The following ERC1 variants were observed in gnomAD, a reference collection of about 807,000 sequenced individuals.
The protein encoded by ERC1 is ELKS/RAB6-interacting/CAST family member 1.
A neutral mutation model predicts 132.0 loss-of-function variants in ERC1; 56 were observed. That is an observed-to-expected ratio of 0.42 (90% CI 0.34 to 0.53). ERC1 has a LOEUF of 0.53. Among genes scored for constraint, ERC1 ranks in the 20% least tolerant of loss-of-function variants. The probability of loss-of-function intolerance (pLI) is 0.03; values close to 1 mark genes in which losing one functional copy is unlikely to be tolerated. For missense variants in ERC1, 1,202 were observed against 1,349.9 expected (o/e 0.89, Z 1.72); for synonymous variants, 478 against 476.1 (o/e 1.00, Z -0.05).
At chr12:1,430,396 G>C (rs74637303) in intron 17 of ERC1, 1 of 149,326 alleles carries the variant, frequency 6.7e-6, no homozygotes, top group Non-Finnish European at 1.5e-5. Context: ...TTTTTTTTTG[G>C]CAGCAGAGTC....
At chr12:1,052,762 GAGTTCA>G (rs1972245980) in intron 2 of ERC1, among the ~76,000 whole-genome samples, 1 of 152,104 alleles carries the variant, frequency 6.6e-6, no homozygotes, top group African/African-American at 2.4e-5. Context: ...CTGAGGTCGG[GAGTTCA>G]AGATCAGCCT....
At chr12:1,109,967 G>A (rs1001370208) in intron 4 of ERC1, among the ~76,000 whole-genome samples, 1 of 152,236 alleles carries the variant, frequency 6.6e-6, no homozygotes, top group African/African-American at 2.4e-5. Flanking sequence ...AGAACTGCTT[G>A]AACCCAGAGG....
At chr12:1,433,648 A>G (rs1283345312) in intron 17 of ERC1, among the ~76,000 whole-genome samples, 1 of 152,220 alleles carries the variant, frequency 6.6e-6, no homozygotes, top group Non-Finnish European at 1.5e-5. Context: ...GACCAATGGC[A>G]TGAGATCTTA....
At chr12:1,238,680 T>G (rs1594449991) in intron 13 of ERC1, among the ~76,000 whole-genome samples, 1 of 152,186 alleles carries the variant, frequency 6.6e-6, no homozygotes, top group Non-Finnish European at 1.5e-5. Context: ...GTTAGCACTT[T>G]AACTGTTTCA....
chr12:1,468,357 C>G (rs1400821093), intron 18 of ERC1, among the ~76,000 whole-genome samples: 2 of 152,188 alleles, frequency 1.3e-5, no homozygotes, highest in African/African-American at 4.8e-5. Context: ...AATCCCAGCA[C>G]TTTGGGAGGC....
intron 15 of ERC1, among the ~76,000 whole-genome samples, chr12:1,362,380 C>T (rs1261696570): frequency 6.6e-6 from 1 of 152,200 alleles, no homozygotes; most frequent in Non-Finnish European, 1.5e-5. Flanking sequence ...CTCGCCAGCT[C>T]TGCCTTCTTA....
chr12:1,353,759 T>G (rs2085260355), intron 15 of ERC1, among the ~76,000 whole-genome samples: 1 of 152,218 alleles, frequency 6.6e-6, no homozygotes, highest in African/African-American at 2.4e-5. Context: ...ATGATCTCTT[T>G]CCACTTGTTT....
At chr12:1,265,607 T>G (rs777926471) in intron 14 of ERC1, among the ~76,000 whole-genome samples, 4 of 152,200 alleles carry the variant, frequency 2.6e-5, no homozygotes, top group Non-Finnish European at 5.9e-5. Context: ...GAGGGTTCAC[T>G]TTTCGTGACG....
At chr12:1,030,215 C>T (rs865953060) in intron 2 of ERC1, among the ~76,000 whole-genome samples, 29 of 152,100 alleles carry the variant, frequency 1.9e-4, no homozygotes, top group African/African-American at 6.5e-4. Context: ...TAATTAGCTA[C>T]CTCATTGTTG....
chr12:1,232,050 A>G (rs1399127417), intron 12 of ERC1, among the ~76,000 whole-genome samples: 3 of 151,866 alleles, frequency 2.0e-5, no homozygotes, highest in Non-Finnish European at 4.4e-5. Flanking sequence ...CAACTTTCTT[A>G]TGTATAATAT....
intron 13 of ERC1, among the ~76,000 whole-genome samples, chr12:1,252,973 T>C (rs1037956577): frequency 3.3e-5 from 5 of 152,228 alleles, no homozygotes; most frequent in African/African-American, 1.2e-4. Context: ...AAAGAATTAC[T>C]GTCTCTTTAC....
chr12:1,061,847 T>G (rs1194488307), intron 2 of ERC1, among the ~76,000 whole-genome samples: 1 of 152,066 alleles, frequency 6.6e-6, no homozygotes, highest in African/African-American at 2.4e-5. Context: ...TCAGGTTCCT[T>G]GAGATGCATT....
chr12:1,154,367 AC>A, intron 8 of ERC1, among the ~76,000 whole-genome samples: 1 of 151,272 alleles, frequency 6.6e-6, no homozygotes, highest in Non-Finnish European at 1.5e-5. Flanking sequence ...ACACACACAC[AC>A]ACACACACAC....
At chr12:1,255,023 C>T (rs553716357) in intron 13 of ERC1, among the ~76,000 whole-genome samples, 3 of 151,408 alleles carry the variant, frequency 2.0e-5, no homozygotes, top group African/African-American at 7.3e-5. Flanking sequence ...ATACATGTGC[C>T]ATGGTGAGTT....
chr12:1,096,143 G>C (rs117078345), intron 3 of ERC1, among the ~76,000 whole-genome samples: 5,112 of 152,128 alleles, frequency 0.034, 152 homozygotes, highest in South Asian at 0.12. Context: ...GCCCAGGCTG[G>C]TCTCGAACTA....
At chr12:1,114,620 A>G (rs72653423) in intron 6 of ERC1, among the ~76,000 whole-genome samples, 7 of 152,284 alleles carry the variant, frequency 4.6e-5, no homozygotes, top group Non-Finnish European at 8.8e-5. Flanking sequence ...TTTATTGGTG[A>G]AGGGATATCA....
intron 11 of ERC1, among the ~76,000 whole-genome samples, chr12:1,184,099 G>T (rs1954793145): frequency 6.9e-6 from 1 of 145,290 alleles, no homozygotes; most frequent in Non-Finnish European, 1.5e-5. Context: ...TCGTGCCACT[G>T]CACTCCAGCC....
chr12:1,328,984 C>CT (rs1491452957), intron 15 of ERC1, among the ~76,000 whole-genome samples: 1 of 85,450 alleles, frequency 1.2e-5, no homozygotes, highest in Admixed American at 1.2e-4. Context: ...TTAAAAGTTA[C>CT]TAAAAAAAAA....
intron 2 of ERC1, among the ~76,000 whole-genome samples, chr12:1,040,109 G>A (rs1969923840): frequency 6.6e-6 from 1 of 152,136 alleles, no homozygotes; most frequent in South Asian, 2.1e-4. Flanking sequence ...TGGAGATCAT[G>A]TACCTACCTC....
Sources: gnomAD v4.1 joint callset for allele counts (sites outside exome capture counted in the v4.1 genomes callset) on GRCh38, gnomAD v4.1.1 for gene constraint, MANE v1.5 for transcripts, NCBI Gene and HGNC (gene_info 2026-07-23, HGNC 2026-07-21) for gene names.